Variants in PLXDC2 observed in about 807,000 individuals in gnomAD.
The protein encoded by PLXDC2 is plexin domain-containing protein 2.
Under a neutral mutation model 68.9 loss-of-function variants are expected in PLXDC2, and 40 were observed. That is an observed-to-expected ratio of 0.58 (90% CI 0.45 to 0.76). The LOEUF is 0.76. PLXDC2 is among the 30% of genes least tolerant of loss of function. The pLI, the probability that PLXDC2 is intolerant of heterozygous loss-of-function variation, is 0.00. For missense variants in PLXDC2, 644 were observed against 661.9 expected (o/e 0.97, Z 0.30); for synonymous variants, 243 against 234.2 (o/e 1.04, Z -0.34).
intron 2 of PLXDC2, among the ~76,000 whole-genome samples, chr10:20,005,095 C>G (rs370889597): frequency 2.0e-5 from 3 of 152,314 alleles, no homozygotes; most frequent in East Asian, 3.9e-4. Flanking sequence ...AATGAGCATT[C>G]AAACCCTGCT....
chr10:19,873,610 G>A (rs2131344870), intron 1 of PLXDC2, among the ~76,000 whole-genome samples: 1 of 152,062 alleles, frequency 6.6e-6, no homozygotes, highest in African/African-American at 2.4e-5. Flanking sequence ...TTAATCCAGT[G>A]TTTGTCAAAG....
intron 2 of PLXDC2, among the ~76,000 whole-genome samples, chr10:20,044,217 CTTTCTTTCTTTCTTTCT>C (rs1835745179): frequency 7.4e-5 from 1 of 13,600 alleles, no homozygotes; most frequent in African/African-American, 4.9e-4. Flanking sequence ...CTCTGTCTTT[CTTTCTTTCTTTCTTTCT>C]TTCTTTCTTT....
chr10:20,068,501 G>A (rs183699081), intron 4 of PLXDC2, among the ~76,000 whole-genome samples: 283 of 151,314 alleles, frequency 1.9e-3, no homozygotes, highest in Non-Finnish European at 3.6e-3. Flanking sequence ...TTGGTAGTGT[G>A]GTAAGACTGT....
At chr10:19,834,219 G>T (rs1836746341) in intron 1 of PLXDC2, among the ~76,000 whole-genome samples, 1 of 152,178 alleles carries the variant, frequency 6.6e-6, no homozygotes, top group South Asian at 2.1e-4. Context: ...GAACAGGTGT[G>T]CTAAAAAGAC....
chr10:20,126,258 C>A, intron 4 of PLXDC2, among the ~76,000 whole-genome samples: 1 of 145,166 alleles, frequency 6.9e-6, no homozygotes, highest in East Asian at 2.0e-4. Context: ...TATACATATA[C>A]GTTATATAAT....
chr10:20,237,091 T>G (rs1330708937), intron 12 of PLXDC2, among the ~76,000 whole-genome samples: 5 of 152,048 alleles, frequency 3.3e-5, no homozygotes, highest in African/African-American at 1.2e-4. Context: ...AGCTGCCCGA[T>G]AGTAGGACAG....
intron 6 of PLXDC2, among the ~76,000 whole-genome samples, chr10:20,148,299 A>G (rs1695717084): frequency 6.8e-6 from 1 of 146,266 alleles, no homozygotes. Context: ...TTTCTTTGTT[A>G]TATTTTGGTT....
intron 1 of PLXDC2, among the ~76,000 whole-genome samples, chr10:19,831,035 G>A (rs1231551921): frequency 6.6e-6 from 1 of 151,320 alleles, no homozygotes; most frequent in Non-Finnish European, 1.5e-5. Flanking sequence ...TGTTTTCTTG[G>A]CACCTTTCAT....
intron 13 of PLXDC2, among the ~76,000 whole-genome samples, chr10:20,252,206 C>T (rs914910372): frequency 6.6e-6 from 1 of 152,184 alleles, no homozygotes; most frequent in Admixed American, 6.6e-5. Flanking sequence ...CCTGTGCTGT[C>T]AATATGTGGC....
At chr10:19,889,532 T>A (rs1425635758) in intron 1 of PLXDC2, among the ~76,000 whole-genome samples, 1 of 152,202 alleles carries the variant, frequency 6.6e-6, no homozygotes, top group Non-Finnish European at 1.5e-5. Context: ...AGAAAACTTA[T>A]TAAGTGACCA....
chr10:19,909,620 T>C (rs983969164), intron 1 of PLXDC2, among the ~76,000 whole-genome samples: 1 of 152,336 alleles, frequency 6.6e-6, no homozygotes, highest in Admixed American at 6.5e-5. Flanking sequence ...ATTGAATGAT[T>C]CATTTATTAG....
At chr10:20,120,346 G>A (rs1051495031) in intron 4 of PLXDC2, among the ~76,000 whole-genome samples, 5 of 152,170 alleles carry the variant, frequency 3.3e-5, no homozygotes, top group Non-Finnish European at 5.9e-5. Context: ...TTTTGAATTG[G>A]TGGCTGAGCT....
chr10:20,044,259 T>G (rs1046451801), intron 2 of PLXDC2, among the ~76,000 whole-genome samples: 1 of 131,402 alleles, frequency 7.6e-6, no homozygotes, highest in African/African-American at 3.3e-5. Flanking sequence ...CTTTCTTTCT[T>G]TCTTTCTTTC....
chr10:19,967,564 AT>A (rs1354886684), intron 1 of PLXDC2, among the ~76,000 whole-genome samples: 1 of 152,236 alleles, frequency 6.6e-6, no homozygotes, highest in Non-Finnish European at 1.5e-5. Flanking sequence ...AATAATAAGT[AT>A]AATAATAAAC....
intron 1 of PLXDC2, among the ~76,000 whole-genome samples, chr10:19,981,310 T>C (rs1834545857): frequency 6.6e-6 from 1 of 152,230 alleles, no homozygotes; most frequent in Non-Finnish European, 1.5e-5. Context: ...TTTCACATCC[T>C]AGACCTTGAA....
chr10:20,148,845 T>A (rs1834112964), intron 6 of PLXDC2, among the ~76,000 whole-genome samples: 1 of 152,210 alleles, frequency 6.6e-6, no homozygotes, highest in South Asian at 2.1e-4. Context: ...AAAGAAAGAA[T>A]GCCCTTTGGT....
At chr10:20,267,187 G>A (rs1466094050) in intron 13 of PLXDC2, among the ~76,000 whole-genome samples, 1 of 152,114 alleles carries the variant, frequency 6.6e-6, no homozygotes, top group Non-Finnish European at 1.5e-5. Flanking sequence ...AATGCATAAA[G>A]CGAAAGTGGT....
At chr10:20,169,943 C>T (rs1266688188) in intron 7 of PLXDC2, among the ~76,000 whole-genome samples, 1 of 152,116 alleles carries the variant, frequency 6.6e-6, no homozygotes, top group Non-Finnish European at 1.5e-5. Context: ...TAACATCAGG[C>T]CTCTTCGTAT....
chr10:20,028,466 G>T (rs61296528), intron 2 of PLXDC2, among the ~76,000 whole-genome samples: 1 of 152,168 alleles, frequency 6.6e-6, no homozygotes. Flanking sequence ...CCTTGCTTTT[G>T]TGAGTTGCGA....
Sources: gnomAD v4.1 joint callset for allele counts (sites outside exome capture counted in the v4.1 genomes callset) on GRCh38, gnomAD v4.1.1 for gene constraint, MANE v1.5 for transcripts, NCBI Gene and HGNC (gene_info 2026-07-23, HGNC 2026-07-21) for gene names.